The following TSACC variants were observed in gnomAD, a reference collection of about 807,000 sequenced individuals.
TSACC encodes the protein TSSK6-activating co-chaperone protein.
TSACC carries 3 observed loss-of-function variants against 6.9 expected under a neutral mutation model. The observed-to-expected ratio is 0.43, with a 90% CI of 0.20 to 1.12. TSACC has a LOEUF of 1.12. TSACC is among the 50% of genes most tolerant of loss of function. TSACC has a pLI of 0.28. For missense variants in TSACC, 137 were observed against 143.9 expected, an observed-to-expected ratio of 0.95 and a Z score of 0.24; for synonymous variants, 54 against 55.1, an observed-to-expected ratio of 0.98 and a Z score of 0.09.
At chr1:156,338,101 T>C, upstream of TSACC, 4 of 1,559,374 alleles carry the variant, frequency 2.6e-6, no homozygotes, top group Non-Finnish European at 3.5e-6. Context: ...CTGAAAAGTA[T>C]GGACAGAAGA....
At chr1:156,337,895 C>A (rs1420529262), upstream of TSACC, 10 of 535,026 alleles carry the variant, frequency 1.9e-5, no homozygotes, top group Admixed American at 2.7e-4. Context: ...GGACAGAACG[C>A]GGAGTGGGAA....
chr1:156,341,103 C>T (rs375814599), intron 2 of TSACC, among the ~76,000 whole-genome samples: 1 of 152,222 alleles, frequency 6.6e-6, no homozygotes, highest in African/African-American at 2.4e-5. Context: ...AGGCGTGAGC[C>T]ATCGCGCCTG....
chr1:156,345,693 C>A (rs1666131267), intron 3 of TSACC, among the ~76,000 whole-genome samples: 1 of 151,320 alleles, frequency 6.6e-6, no homozygotes, highest in African/African-American at 2.4e-5. Flanking sequence ...CATGGTGAAA[C>A]CCCATCTCTA....
upstream of TSACC, chr1:156,338,460 C>A: frequency 1.8e-6 from 1 of 545,162 alleles, no homozygotes; most frequent in Non-Finnish European, 3.3e-6. Flanking sequence ...CAGGCGCTTG[C>A]GCAGTAGGGT....
intron 3 of TSACC, among the ~76,000 whole-genome samples, chr1:156,345,390 C>G (rs1300281664): frequency 2.0e-5 from 3 of 151,598 alleles, no homozygotes; most frequent in Non-Finnish European, 4.4e-5. Flanking sequence ...TGGTGAAACC[C>G]TGTCTCTACT....
At chr1:156,344,368 A>G (rs1438238978) in intron 2 of TSACC, among the ~76,000 whole-genome samples, 1 of 152,158 alleles carries the variant, frequency 6.6e-6, no homozygotes, top group Non-Finnish European at 1.5e-5. Flanking sequence ...ATCAGTAAGA[A>G]CTTGTAAACA....
upstream of TSACC, chr1:156,337,414 T>G (rs1053268239): frequency 7.1e-5 from 12 of 169,614 alleles, no homozygotes; most frequent in Admixed American, 3.0e-4. Context: ...TCTCAAAATA[T>G]AAAAAGAAAA....
intron 3 of TSACC, among the ~76,000 whole-genome samples, chr1:156,346,222 A>G (rs1376182443): frequency 6.6e-6 from 1 of 151,928 alleles, no homozygotes; most frequent in East Asian, 1.9e-4. Context: ...GAAAAAGAAA[A>G]AAAACAATGG....
intron 2 of TSACC, among the ~76,000 whole-genome samples, chr1:156,343,404 T>C (rs533981500): frequency 5.9e-5 from 9 of 152,322 alleles, no homozygotes; most frequent in Non-Finnish European, 1.3e-4. Flanking sequence ...TCCATCTGTC[T>C]CTCTCCTATG....
intron 2 of TSACC, among the ~76,000 whole-genome samples, chr1:156,343,628 G>T (rs1666013199): frequency 6.6e-6 from 1 of 152,116 alleles, no homozygotes; most frequent in South Asian, 2.1e-4. Flanking sequence ...TTGCCAAGGG[G>T]GATGGGAATA....
intron 2 of TSACC, among the ~76,000 whole-genome samples, chr1:156,340,118 G>A (rs1344527578): frequency 6.6e-6 from 1 of 152,158 alleles, no homozygotes; most frequent in Non-Finnish European, 1.5e-5. Flanking sequence ...AACTTTAGCT[G>A]GATCAGATTA....
chr1:156,338,295 C>G (rs1665552793), upstream of TSACC: 1 of 1,022,512 alleles, frequency 9.8e-7, no homozygotes, highest in Non-Finnish European at 1.5e-6. Flanking sequence ...GGGCTTACAC[C>G]TCAACCCGCT....
At chr1:156,343,433 C>T (rs1046652417) in intron 2 of TSACC, among the ~76,000 whole-genome samples, 1 of 152,170 alleles carries the variant, frequency 6.6e-6, no homozygotes, top group African/African-American at 2.4e-5. Flanking sequence ...TGTCTCTAGT[C>T]TCTTGCTTTT....
upstream of TSACC, chr1:156,338,477 T>C: frequency 1.9e-6 from 1 of 524,112 alleles, no homozygotes. Context: ...GGGTGGCCGC[T>C]CCCGGCCGCG....
chr1:156,346,435 C>T (rs1666182557), intron 3 of TSACC, among the ~76,000 whole-genome samples: 1 of 152,070 alleles, frequency 6.6e-6, no homozygotes, highest in Admixed American at 6.6e-5. Context: ...GTGAACAAAT[C>T]AGATAAAAAT....
At chr1:156,346,709 A>T in intron 3 of TSACC, 59 bp from the exon 4 acceptor site, 1 of 1,549,070 alleles carries the variant, frequency 6.5e-7, no homozygotes. Context: ...CAACCTCAGT[A>T]CAATTACCAA....
chr1:156,339,828 AG>A (rs1558280266), intron 2 of TSACC, 37 bp downstream of exon 2: 1 of 1,611,908 alleles, frequency 6.2e-7, no homozygotes, highest in South Asian at 1.1e-5. Context: ...TCCCTTAAAA[AG>A]CAAGACCTCC....
At chr1:156,338,268 A>T (rs956140775), upstream of TSACC, 3 of 1,422,200 alleles carry the variant, frequency 2.1e-6, no homozygotes, top group Non-Finnish European at 2.9e-6. Context: ...AGAAGCCCAG[A>T]AAACGCTGCC....
chr1:156,338,465 T>C, upstream of TSACC: 1 of 536,280 alleles, frequency 1.9e-6, no homozygotes, highest in East Asian at 3.1e-5. Context: ...GCTTGCGCAG[T>C]AGGGTGGCCG....
Sources: gnomAD v4.1 joint callset for allele counts (sites outside exome capture counted in the v4.1 genomes callset) on GRCh38, gnomAD v4.1.1 for gene constraint, MANE v1.5 for transcripts, NCBI Gene and HGNC (gene_info 2026-07-23, HGNC 2026-07-21) for gene names.